Variants in RNF149 observed in about 807,000 individuals in gnomAD.
RNF149 encodes the protein ring finger protein 149, also known as E3 ubiquitin-protein ligase RNF149.
RNF149 carries 21 observed loss-of-function variants against 39.0 expected under a neutral mutation model. That is an observed-to-expected ratio of 0.54 (90% CI 0.38 to 0.77). The LOEUF is 0.77. Among genes scored for constraint, RNF149 ranks in the 30% least tolerant of loss-of-function variants. The pLI, the probability that RNF149 is intolerant of heterozygous loss-of-function variation, is 0.00. For missense variants in RNF149, 493 were observed against 534.9 expected, an observed-to-expected ratio of 0.92 and a Z score of 0.77; for synonymous variants, 209 against 213.6, an observed-to-expected ratio of 0.98 and a Z score of 0.19.
chr2:101,308,045 C>T, intron 1 of RNF149, 84 bp downstream of exon 1: 1 of 1,503,938 alleles, frequency 6.6e-7, no homozygotes, highest in Non-Finnish European at 8.9e-7. Flanking sequence ...CGCTTCGCGG[C>T]CTGCGGTTCA....
At chr2:101,283,122 G>C (rs1230895578) in intron 5 of RNF149, among the ~76,000 whole-genome samples, 2 of 152,136 alleles carry the variant, frequency 1.3e-5, no homozygotes, top group Non-Finnish European at 2.9e-5. Flanking sequence ...GCAACACCCA[G>C]CTCAACTGCC....
At chr2:101,287,295 T>G (rs965645250) in intron 4 of RNF149, among the ~76,000 whole-genome samples, 1 of 152,056 alleles carries the variant, frequency 6.6e-6, no homozygotes, top group Non-Finnish European at 1.5e-5. Context: ...TGTACTCCAG[T>G]CTGGGCAACA....
downstream of RNF149, among the ~76,000 whole-genome samples, chr2:101,275,275 G>A (rs534157881): frequency 1.5e-3 from 223 of 150,282 alleles, 2 homozygotes; most frequent in Middle Eastern, 3.5e-3. Flanking sequence ...ATGCCACCAC[G>A]TCCGGCTAAT....
At chr2:101,284,385 T>C (rs1682712591) in intron 5 of RNF149, among the ~76,000 whole-genome samples, 5 of 151,884 alleles carry the variant, frequency 3.3e-5, no homozygotes, top group South Asian at 4.1e-4. Context: ...TTTGAGACCA[T>C]CCTGGCCAGT....
chr2:101,292,269 T>A (rs1008225675), intron 3 of RNF149, among the ~76,000 whole-genome samples: 2 of 152,190 alleles, frequency 1.3e-5, no homozygotes, highest in African/African-American at 2.4e-5. Context: ...GAAATCTTCT[T>A]AAAAATATAT....
chr2:101,272,098 A>C (rs938038555), downstream of RNF149, among the ~76,000 whole-genome samples: 1 of 152,228 alleles, frequency 6.6e-6, no homozygotes, highest in Non-Finnish European at 1.5e-5. Context: ...GTCTACTAAG[A>C]TATTTTACTG....
downstream of RNF149, among the ~76,000 whole-genome samples, chr2:101,273,537 A>T (rs940899419): frequency 2.4e-4 from 34 of 142,106 alleles, no homozygotes; most frequent in African/African-American, 8.3e-4. Flanking sequence ...CAGTGGTGTG[A>T]TCACAGCTCA....
Position 101,289,054 on chromosome 2 carries a change from C to G in RNF149, c.782G>C (p.Gly261Ala). 1 of 1,574,644 alleles carries G rather than the reference C, an allele frequency of 6.4e-7. No individual in the cohort carries two copies. Among genetic ancestry groups the G allele is most frequent in the East Asian group, 2.2e-5 (1 of 44,544 alleles). ...LLHTVKHGEK[G>A]IDVDAENCAV... ...ACAATTTTCAGCATCAACATCAATT[C>G]CCTGTAAAAAGAAAAGGAAAGTGTT... The change falls in exon 4 of 7, where the codon GGA becomes GCA. Residue 261 changes from glycine (G) to alanine (A), a missense_variant and splice_region_variant. Physicochemically the swap from Gly to Ala is moderately conservative, Grantham distance 60 (BLOSUM62 0). Coordinates refer to ENST00000295317, the MANE Select transcript of RNF149 (RefSeq NM_173647.4).
intron 3 of RNF149, among the ~76,000 whole-genome samples, chr2:101,291,073 T>C (rs555743582): frequency 1.4e-4 from 21 of 152,252 alleles, no homozygotes; most frequent in Non-Finnish European, 2.6e-4. Flanking sequence ...CTTATGTAAT[T>C]ACTGTATTTA....
At chr2:101,295,674 AAAG>A (rs1683205155) in intron 1 of RNF149, among the ~76,000 whole-genome samples, 1 of 151,568 alleles carries the variant, frequency 6.6e-6, no homozygotes, top group African/African-American at 2.4e-5. Context: ...AAAAAAAAAA[AAAG>A]AACTATTCCC....
intron 3 of RNF149, among the ~76,000 whole-genome samples, chr2:101,290,681 C>A (rs1175729082): frequency 1.3e-5 from 2 of 152,174 alleles, no homozygotes; most frequent in Non-Finnish European, 2.9e-5. Context: ...AAAATAGTTA[C>A]CTCACTAGTG....
chr2:101,275,427 A>ATTTT (rs1682301916), downstream of RNF149, among the ~76,000 whole-genome samples: 1 of 26,832 alleles, frequency 3.7e-5, no homozygotes, highest in Non-Finnish European at 7.3e-5. Flanking sequence ...CTCCCCTAGT[A>ATTTT]TTTCTTTTTT....
At chr2:101,279,944 AT>A (rs1027178523) in intron 6 of RNF149, among the ~76,000 whole-genome samples, 18 of 152,320 alleles carry the variant, frequency 1.2e-4, no homozygotes, top group Admixed American at 1.2e-3. Context: ...TCCAATAAAA[AT>A]TCTGATGAGA....
intron 1 of RNF149, among the ~76,000 whole-genome samples, chr2:101,298,469 C>T (rs1323692518): frequency 6.6e-6 from 1 of 151,894 alleles, no homozygotes; most frequent in East Asian, 1.9e-4. Context: ...AGATTTATTG[C>T]CAATGTTCTT....
At chr2:101,304,151 C>A (rs533393200) in intron 1 of RNF149, among the ~76,000 whole-genome samples, 1 of 152,290 alleles carries the variant, frequency 6.6e-6, no homozygotes, top group East Asian at 1.9e-4. Flanking sequence ...ACTCCCAGCA[C>A]TGTGGGAGGC....
Position 101,282,020 on chromosome 2 carries a change from T to G in RNF149, c.998A>C (p.Glu333Ala). The change falls in exon 6 of 7, where the codon GAA (glutamate) becomes GCA (alanine). Residue 333 changes from glutamate to alanine, a missense_variant. Glu to Ala is a moderately radical substitution (Grantham distance 107). Coordinates refer to ENST00000295317, the MANE Select transcript of RNF149 (RefSeq NM_173647.4). ...AGCTGGATCCCTTCCAGGAGGAGAT[T>G]CTGGAGCAGGCATCTCCTGTACATC... Reference protein sequence around the residue: ...PGDVQEMPAPESPPGRDPAAN... With the variant: ...PGDVQEMPAPASPPGRDPAAN... The G allele has an allele frequency of 1.2e-6, 2 of 1,613,946 alleles. No homozygotes were observed. Among genetic ancestry groups the G allele is most frequent in the Non-Finnish European group, 1.7e-6 (2 of 1,179,896 alleles).
intron 5 of RNF149, among the ~76,000 whole-genome samples, chr2:101,283,168 C>G (rs1005006725): frequency 6.6e-6 from 1 of 152,186 alleles, no homozygotes; most frequent in African/African-American, 2.4e-5. Flanking sequence ...CCAACTTCTA[C>G]CTGGCAGCAG....
At chr2:101,277,740 T>C (rs531230127) in intron 6 of RNF149, among the ~76,000 whole-genome samples, 1 of 152,292 alleles carries the variant, frequency 6.6e-6, no homozygotes, top group South Asian at 2.1e-4. Context: ...CCCATTCCAC[T>C]GATAGCCAAC....
At chr2:101,297,165 C>T (rs1000818170) in intron 1 of RNF149, among the ~76,000 whole-genome samples, 3 of 151,940 alleles carry the variant, frequency 2.0e-5, no homozygotes, top group Non-Finnish European at 2.9e-5. Flanking sequence ...GCCAAGATTG[C>T]GCCACTGCAC....
Sources: allele counts gnomAD v4.1 joint callset (sites outside exome capture counted in the v4.1 genomes callset), GRCh38; gene constraint gnomAD v4.1.1; transcripts MANE v1.5; gene names NCBI Gene and HGNC (gene_info 2026-07-23, HGNC 2026-07-21).